Variants in SRGAP2 observed in about 807,000 individuals in gnomAD.
SRGAP2 encodes SLIT-ROBO Rho GTPase activating protein 2.
In SRGAP2, 15 loss-of-function variants were observed where a neutral mutation model predicts 57.2. The observed-to-expected ratio is 0.26, with a 90% CI of 0.18 to 0.40. The LOEUF is 0.40. SRGAP2 is among the 10% of genes least tolerant of loss of function. The pLI is 1.00. For missense variants in SRGAP2, 520 were observed against 669.6 expected (o/e 0.78, Z 2.47); for synonymous variants, 249 against 248.0 (o/e 1.00, Z -0.04).
At chr1:206,448,452 A>G (rs1376265934) in intron 18 of SRGAP2, among the ~76,000 whole-genome samples, 1 of 152,138 alleles carries the variant, frequency 6.6e-6, no homozygotes, top group Non-Finnish European at 1.5e-5. Context: ...TTTCAAGAGA[A>G]GCATAGGATT....
chr1:206,221,425 C>T (rs1361753300), intron 2 of SRGAP2, among the ~76,000 whole-genome samples: 4 of 151,904 alleles, frequency 2.6e-5, no homozygotes, highest in Admixed American at 1.3e-4. Flanking sequence ...CTGGGAAGTC[C>T]AAGATTGAGG....
intron 3 of SRGAP2, among the ~76,000 whole-genome samples, chr1:206,327,440 T>G (rs1234027560): frequency 6.7e-5 from 10 of 148,388 alleles, no homozygotes; most frequent in Admixed American, 3.4e-4. Flanking sequence ...TCAGACATGA[T>G]TCTAGTCACT....
chr1:206,310,561 T>C (rs1672566974), intron 3 of SRGAP2, among the ~76,000 whole-genome samples: 1 of 152,240 alleles, frequency 6.6e-6, no homozygotes, highest in South Asian at 2.1e-4. Context: ...TGATGAGTTC[T>C]GCCCTTATCT....
Position 206,436,989 on chromosome 1 carries a change from G to A in SRGAP2, c.1580G>A (p.Arg527Gln). 1 of 780,674 alleles carries A rather than the reference G, an allele frequency of 1.3e-6. No individual in the cohort carries two copies. 48.4% of individuals were successfully genotyped at this position (780,674 alleles called of 1,614,324 possible). The change falls in exon 15 of 23, where the codon CGG (arginine) becomes CAG (glutamine). Residue 527 changes from arginine to glutamine, a missense_variant. Around this residue, in one of 5 missense-constraint regions of SRGAP2, gnomAD observed 478 missense variants for 373.6 expected, o/e 1.28. Transcript: ENST00000573034. ...GGACTACAGCATGAAGGAATTTTCC[G>A]GGTGTCAGGATCCCAGGTGGAAGTG... ...RHGLQHEGIF[R>Q]VSGSQVEVND...
At chr1:206,431,481 T>G (rs1661272341) in intron 14 of SRGAP2, among the ~76,000 whole-genome samples, 2 of 152,238 alleles carry the variant, frequency 1.3e-5, no homozygotes, top group Non-Finnish European at 2.9e-5. Flanking sequence ...TCAAACAGTT[T>G]GCAAAGAAAA....
chr1:206,229,358 C>T (rs1248717069), intron 2 of SRGAP2, among the ~76,000 whole-genome samples: 17 of 150,552 alleles, frequency 1.1e-4, no homozygotes, highest in Non-Finnish European at 7.4e-5. Context: ...TTTGTCTTAT[C>T]TTGCAAGCAT....
intron 15 of SRGAP2, chr1:206,437,701 T>C (rs1324788923): frequency 1.4e-5 from 6 of 437,896 alleles, no homozygotes; most frequent in South Asian, 3.1e-5. Context: ...CCTCAGCCCA[T>C]AGGGAATGTC....
chr1:206,318,437 G>A (rs1673204447), intron 3 of SRGAP2, among the ~76,000 whole-genome samples: 1 of 152,112 alleles, frequency 6.6e-6, no homozygotes, highest in African/African-American at 2.4e-5. Context: ...TGTCAGTCTT[G>A]TTCTTGCTCC....
chr1:206,392,940 C>G (rs1553351450), intron 6 of SRGAP2, 36 bp downstream of exon 6: 3 of 716,662 alleles, frequency 4.2e-6, no homozygotes, highest in South Asian at 3.0e-5. Flanking sequence ...TGCTGGGAAG[C>G]AACATTCGGT....
chr1:206,424,509 G>A (rs1553365605), intron 13 of SRGAP2, among the ~76,000 whole-genome samples: 2 of 152,088 alleles, frequency 1.3e-5, no homozygotes, highest in East Asian at 3.9e-4. Flanking sequence ...AGAAAAATTA[G>A]CCAGCCATGG....
chr1:206,256,798 C>T (rs1383899232), intron 2 of SRGAP2, among the ~76,000 whole-genome samples: 2 of 152,192 alleles, frequency 1.3e-5, no homozygotes, highest in African/African-American at 2.4e-5. Flanking sequence ...ACCCAAGTTG[C>T]TTCCAAAGAA....
chr1:206,440,348 A>C (rs1662164078), intron 17 of SRGAP2, among the ~76,000 whole-genome samples: 1 of 152,184 alleles, frequency 6.6e-6, no homozygotes, highest in Non-Finnish European at 1.5e-5. Context: ...AAAAAAGAGT[A>C]AAGAGAGGGG....
chr1:206,226,377 T>C (rs1553305498), intron 2 of SRGAP2, among the ~76,000 whole-genome samples: 1 of 152,212 alleles, frequency 6.6e-6, no homozygotes, highest in East Asian at 1.9e-4. Context: ...TTTTAAATTC[T>C]TTCTGTGTAA....
chr1:206,421,922 C>T (rs1660351314), intron 13 of SRGAP2, among the ~76,000 whole-genome samples: 1 of 152,116 alleles, frequency 6.6e-6, no homozygotes, highest in Non-Finnish European at 1.5e-5. Flanking sequence ...CTAAACAGCA[C>T]TTGTGCTTGT....
At chr1:206,453,074 A>G (rs1409288973) in intron 19 of SRGAP2, 126 bp from the exon 20 acceptor site, 3 of 447,318 alleles carry the variant, frequency 6.7e-6, no homozygotes, top group Non-Finnish European at 1.2e-5. Context: ...TAGATCATCC[A>G]TGGCTTCGTT....
chr1:206,411,586 A>G (rs1553359630), intron 10 of SRGAP2, among the ~76,000 whole-genome samples: 1 of 152,202 alleles, frequency 6.6e-6, no homozygotes, highest in African/African-American at 2.4e-5. Flanking sequence ...AACAGCCACT[A>G]TAGTGACATC....
chr1:206,289,332 G>A (rs1166160264), intron 2 of SRGAP2, among the ~76,000 whole-genome samples: 3 of 146,962 alleles, frequency 2.0e-5, no homozygotes, highest in African/African-American at 5.1e-5. Flanking sequence ...GAGTGCAGTG[G>A]TGCCATCTCA....
At chr1:206,280,119 T>C (rs1670647750) in intron 2 of SRGAP2, among the ~76,000 whole-genome samples, 1 of 151,996 alleles carries the variant, frequency 6.6e-6, no homozygotes, top group African/African-American at 2.4e-5. Flanking sequence ...TTTTGTATTT[T>C]TTTTTCCTCT....
At chr1:206,370,603 G>A (rs369181524) in intron 4 of SRGAP2, among the ~76,000 whole-genome samples, 1 of 152,070 alleles carries the variant, frequency 6.6e-6, no homozygotes, top group Non-Finnish European at 1.5e-5. Flanking sequence ...GGGAAGGAGA[G>A]ATGGGGAGTG....
Sources: gnomAD v4.1 joint callset for allele counts (sites outside exome capture counted in the v4.1 genomes callset) on GRCh38, gnomAD v4.1.1 for gene constraint, gnomAD v4.1.1 regional missense constraint, MANE v1.5 for transcripts, NCBI Gene and HGNC (gene_info 2026-07-23, HGNC 2026-07-21) for gene names.